Variants in CHEK2 observed in about 807,000 individuals in gnomAD.
CHEK2 encodes checkpoint kinase 2, also known as serine/threonine-protein kinase Chk2.
A neutral mutation model predicts 69.1 loss-of-function variants in CHEK2; 71 were observed. That is an observed-to-expected ratio of 1.03 (90% confidence interval 0.85 to 1.25). The LOEUF (loss-of-function observed/expected upper bound fraction) is 1.25, where lower values mean the gene tolerates loss of function less well. CHEK2 is among the 50% of genes most tolerant of loss of function. The probability of loss-of-function intolerance (pLI) is 0.00; values close to 1 mark genes in which losing one functional copy is unlikely to be tolerated. For synonymous variants in CHEK2, 189 were observed against 226.9 expected (o/e 0.83, Z 1.50); for missense variants, 664 against 649.6 (o/e 1.02, Z -0.24).
At chr22:28,689,631 C>T (rs879304610) in intron 13 of CHEK2, among the ~76,000 whole-genome samples, 5 of 152,164 alleles carry the variant, frequency 3.3e-5, no homozygotes, top group Non-Finnish European at 5.9e-5. Context: ...GCCAGTCACC[C>T]AGACTGTCCT....
At position 28,695,793 on chromosome 22, in the gene CHEK2, C is replaced by T. The variant is rs142692907; in HGVS notation, c.1176G>A (p.Ala392=). 107 of 1,613,730 alleles carry T rather than the reference C, an allele frequency of 6.6e-5. No individual in the cohort carries two copies. The African/African-American group carries it at 1.1e-3, about 17-fold the overall frequency. ...TCCCAACAGAAACAAGAACTTCAGG[C>T]GCCAAGTAGGTGGGGGTTCCACATA... The part of the protein sequence containing the change: ...RTLCGTPTYL[A]PEVLVSVGTA... Residue 392 remains alanine (A), a synonymous_variant, in exon 11 of 15, where the codon GCG becomes GCA. Transcript: ENST00000404276.
intron 7 of CHEK2, among the ~76,000 whole-genome samples, chr22:28,705,968 A>AAAACTAACCT (rs2053121298): frequency 6.8e-6 from 1 of 147,414 alleles, no homozygotes; most frequent in Non-Finnish European, 1.5e-5. Flanking sequence ...AACTAAACTA[A>AAAACTAACCT]AAACTAAACT....
At chr22:28,709,978 TAA>T in intron 7 of CHEK2, 26 bp downstream of exon 7, 2 of 1,208,256 alleles carry the variant, frequency 1.7e-6, no homozygotes, top group South Asian at 2.5e-5. Context: ...TAGATAAATC[TAA>T]GTATGAGTCA....
Position 28,707,824 on chromosome 22 carries a change from G to A in CHEK2, c.846+2182C>T, listed in dbSNP as rs1333012530. Among the ~76,000 whole-genome samples the A allele has an allele frequency of 1.0e-4, 13 of 130,608 alleles. No individual in the cohort carries two copies. In the East Asian group the frequency reaches 2.5e-3, roughly 25 times the overall value. The allele number at this position is 130,608 out of a possible 152,430, so 85.7% of individuals were successfully genotyped here. A position where few individuals can be genotyped will look rare whatever the true frequency, so the allele number is the denominator to read the frequency against. Reference sequence around the variant, plus strand: ...CAGAGAAAATTCCCTGAGCATTTGTGTTTATCTTTTTTTTTTTTTTTTTTT... The same window carrying A: ...CAGAGAAAATTCCCTGAGCATTTGTATTTATCTTTTTTTTTTTTTTTTTTT... On this transcript the variant is annotated intron_variant, in intron 7 of 14. Transcript: ENST00000404276.
rs1341885117 is a variant in CHEK2, at chr22:28,725,172, T to C, written c.445-48A>G. ...TCAGACTTTGAATAGCAGAGATTTA[T>C]AGTGGGAAAATATCTAAAAACAATG... On this transcript the variant is annotated intron_variant, in intron 3 of 14. Transcript: ENST00000404276. 5 of 1,613,822 alleles carry C rather than the reference T, an allele frequency of 3.1e-6. No individual in the cohort carries two copies. Among genetic ancestry groups the C allele is most frequent in the Non-Finnish European group, 4.2e-6 (5 of 1,179,774 alleles).
intron 5 of CHEK2, 77 bp downstream of exon 5, chr22:28,719,318 A>T (rs1378760221): frequency 8.0e-6 from 6 of 753,512 alleles, no homozygotes; most frequent in African/African-American, 1.8e-5. Flanking sequence ...GAGTGTTATA[A>T]AATCAGAAAT....
intron 2 of CHEK2, chr22:28,730,371 A>AAAAGGG: frequency 1.9e-6 from 1 of 514,758 alleles, no homozygotes; most frequent in Non-Finnish European, 3.5e-6. Context: ...AAGGAAAAGG[A>AAAAGGG]AAAGGGAAAG....
chr22:28,696,995 G>A lies in CHEK2; in HGVS notation c.1009-8C>T, dbSNP rs2145818551. On this transcript the variant is annotated splice_polypyrimidine_tract_variant and splice_region_variant and intron_variant, in intron 9 of 14. Coordinates refer to ENST00000404276, the MANE Select transcript of CHEK2 (RefSeq NM_007194.4). The stretch of plus-strand genomic sequence containing the variant: ...ACCGTTTTCATGAAGGTACTACACA[G>A]AAAGGCAGGCATGACCCTCAGATTC... The A allele has an allele frequency of 6.3e-7, 1 of 1,588,808 alleles. No individual in the cohort carries two copies. Among genetic ancestry groups the A allele is most frequent in the Non-Finnish European group, 8.6e-7 (1 of 1,157,100 alleles).
At chr22:28,714,626 A>G (rs750335957) in intron 5 of CHEK2, among the ~76,000 whole-genome samples, 7 of 152,156 alleles carry the variant, frequency 4.6e-5, no homozygotes, top group Non-Finnish European at 1.0e-4. Flanking sequence ...GAGGCACAAA[A>G]GTTTTTAATT....
At chr22:28,706,303 C>A (rs2053139350) in intron 7 of CHEK2, among the ~76,000 whole-genome samples, 1 of 97,054 alleles carries the variant, frequency 1.0e-5, no homozygotes, top group African/African-American at 4.0e-5. Flanking sequence ...CCAGCTCACA[C>A]ACACACACAC....
Position 28,725,224 on chromosome 22 carries a change from A to G in CHEK2, c.444+19T>C, listed in dbSNP as rs200501745. 401 of 1,613,844 alleles carry G rather than the reference A, an allele frequency of 2.5e-4. 3 individuals carry two copies. The highest frequency in any genetic ancestry group is 4.2e-5 in the Non-Finnish European group (49 of 1,179,874). On this transcript the variant is annotated intron_variant, in intron 3 of 14. Coordinates refer to ENST00000404276, the MANE Select transcript of CHEK2 (RefSeq NM_007194.4). ...CCAAATTACCAGCTCTCCTAGATAC[A>G]TGGGTATTCATTACCTACCCTGAAA...
chr22:28,706,983 G>A (rs1272713393), intron 7 of CHEK2, among the ~76,000 whole-genome samples: 3 of 152,112 alleles, frequency 2.0e-5, no homozygotes, highest in Admixed American at 2.0e-4. Context: ...GGAACGGAGA[G>A]AAGGAAAAAG....
intron 7 of CHEK2, among the ~76,000 whole-genome samples, chr22:28,705,968 A>AAAACTAAAAACTAAACT (rs2053121512): frequency 6.8e-6 from 1 of 147,414 alleles, no homozygotes; most frequent in African/African-American, 2.5e-5. Flanking sequence ...AACTAAACTA[A>AAAACTAAAAACTAAACT]AAACTAAACT....
chr22:28,715,855 T>A (rs2053568419), intron 5 of CHEK2, among the ~76,000 whole-genome samples: 1 of 151,882 alleles, frequency 6.6e-6, no homozygotes, highest in African/African-American at 2.4e-5. Flanking sequence ...TTCCATACAT[T>A]TCTTCTTCTT....
chr22:28,708,369 G>GTGTGTGTGTC (rs141267403), intron 7 of CHEK2, among the ~76,000 whole-genome samples: 11,254 of 148,600 alleles, frequency 0.076, 485 homozygotes, highest in South Asian at 0.09. Context: ...AAATATGTGT[G>GTGTGTGTGTC]TGTGTGTGTG....
chr22:28,711,036 G>A (rs887740365), intron 6 of CHEK2, among the ~76,000 whole-genome samples: 1 of 151,952 alleles, frequency 6.6e-6, no homozygotes, highest in African/African-American at 2.4e-5. Context: ...GCATTGTCTA[G>A]GGGGAAAAAA....
At chr22:28,702,452 A>G (rs1306223576) in intron 8 of CHEK2, among the ~76,000 whole-genome samples, 2 of 148,452 alleles carry the variant, frequency 1.3e-5, no homozygotes, top group East Asian at 2.0e-4. Flanking sequence ...GTTAGCCAGG[A>G]TGGCCTCGAT....
intron 5 of CHEK2, among the ~76,000 whole-genome samples, chr22:28,715,401 A>T (rs1207741921): frequency 1.3e-5 from 2 of 150,348 alleles, no homozygotes; most frequent in Non-Finnish European, 3.0e-5. Context: ...TTTTATTTTT[A>T]TTTATTTATT....
intron 2 of CHEK2, among the ~76,000 whole-genome samples, chr22:28,728,691 G>C (rs2054091449): frequency 1.3e-5 from 2 of 152,058 alleles, no homozygotes; most frequent in Admixed American, 6.6e-5. Flanking sequence ...GACAGAGAGA[G>C]AGACTCTGTC....
Sources: allele counts gnomAD v4.1 joint callset (sites outside exome capture counted in the v4.1 genomes callset), GRCh38; gene constraint gnomAD v4.1.1; transcripts MANE v1.5; gene names NCBI Gene and HGNC (gene_info 2026-07-23, HGNC 2026-07-21).